Variants in ARL8A observed in about 807,000 individuals in gnomAD.
ARL8A encodes the protein ADP-ribosylation factor-like protein 8A.
Under a neutral mutation model 31.2 loss-of-function variants are expected in ARL8A, and 10 were observed. The observed-to-expected ratio is 0.32, with a 90% CI of 0.20 to 0.54. The LOEUF (loss-of-function observed/expected upper bound fraction) is 0.54. Among genes scored for constraint, ARL8A ranks in the 20% least tolerant of loss-of-function variants. The pLI is 0.93. For missense variants in ARL8A, 129 were observed against 242.8 expected (o/e 0.53, Z 3.12); for synonymous variants, 70 against 86.9 (o/e 0.81, Z 1.08).
chr1:202,134,372 G>A lies in ARL8A; in HGVS notation c.*95C>T, dbSNP rs1654945571. 13 of 1,308,956 alleles carry A rather than the reference G, an allele frequency of 9.9e-6. No individual in the cohort carries two copies. The highest frequency in any genetic ancestry group is 3.3e-6 in the Non-Finnish European group (3 of 907,800). The allele number at this position is 1,308,956 out of a possible 1,614,324, so 81.1% of individuals were successfully genotyped here. On this transcript the variant is annotated 3_prime_UTR_variant, in exon 7 of 7. Coordinates refer to ENST00000272217, the MANE Select transcript of ARL8A (RefSeq NM_138795.4). This position sits in a 1 kb window ranked among gnomAD's most constrained non-coding sequence, Gnocchi z 4.2. ...GGGCCCTCCTCACACTGGGTGAGGA[G>A]GGGTGGGCTTAGGGGGACGACAGGG...
chr1:202,143,882 A>G (rs1444127010), intron 1 of ARL8A, among the ~76,000 whole-genome samples: 7 of 152,176 alleles, frequency 4.6e-5, no homozygotes, highest in Admixed American at 4.6e-4. Flanking sequence ...TCTGGGCTTG[A>G]GCCAAGGGCC....
chr1:202,139,456 C>T (rs1283709198), intron 1 of ARL8A, among the ~76,000 whole-genome samples: 3 of 151,496 alleles, frequency 2.0e-5, no homozygotes, highest in African/African-American at 7.3e-5. Context: ...GCCTGTAATC[C>T]CAGCTACTTG....
Position 202,134,183 on chromosome 1 carries a change from C to T in ARL8A, c.*284G>A, listed in dbSNP as rs927469793. The T allele has an allele frequency of 1.0e-4, 50 of 485,590 alleles. 1 individual carries two copies. The highest frequency in any genetic ancestry group is 1.7e-4 in the Admixed American group (5 of 28,950). 30.1% of individuals were successfully genotyped at this position (485,590 alleles called of 1,614,324 possible). On this transcript the variant is annotated 3_prime_UTR_variant, in exon 7 of 7. Transcript: ENST00000272217. The surrounding 1 kb of genome is among the most constrained non-coding windows in gnomAD (Gnocchi z 4.2). The stretch of plus-strand genomic sequence containing the variant: ...GAGCGGGCCGGGGAAAAGCCAGGGG[C>T]GGGGGCTGTGGCCCAGGGCTGCTGG...
In ARL8A at chr1:202,135,667, C is replaced by G. The variant is rs765614852; in HGVS notation, c.372+40G>C. 11 of 1,597,832 alleles carry G rather than the reference C, an allele frequency of 6.9e-6. No individual in the cohort carries two copies. Among genetic ancestry groups the G allele is most frequent in the Non-Finnish European group, 9.4e-6 (11 of 1,165,500 alleles). ...TTACCTGCTCCCAGTGACTTCCCAG[C>G]CGAGCTCCCTCCCCATCCCGCTCCC... On this transcript the variant is annotated intron_variant, in intron 4 of 6. Coordinates refer to ENST00000272217, the MANE Select transcript of ARL8A (RefSeq NM_138795.4). The surrounding 1 kb of genome is among the most constrained non-coding windows in gnomAD (Gnocchi z 5.3).
chr1:202,135,035 C>A lies in ARL8A; in HGVS notation c.511+115G>T, dbSNP rs944018861. On this transcript the variant is annotated intron_variant, in intron 6 of 6. Coordinates refer to ENST00000272217, the MANE Select transcript of ARL8A (RefSeq NM_138795.4). This position sits in a 1 kb window ranked among gnomAD's most constrained non-coding sequence, Gnocchi z 5.3. ...CTGGGCCACCTGGCTGCCTTTTCTA[C>A]CCAAGAGCCACAGGGCTTTGGACTT... 3.2e-5 allele frequency: 35 copies of A among 1,083,550 alleles called. No individual in the cohort carries two copies. Among genetic ancestry groups the A allele is most frequent in the Non-Finnish European group, 4.7e-5 (34 of 727,116 alleles). 67.1% of individuals were successfully genotyped at this position (1,083,550 alleles called of 1,614,324 possible). A position where few individuals can be genotyped will look rare whatever the true frequency, so the allele number is the denominator to read the frequency against.
In ARL8A at chr1:202,144,582, C is replaced by T. The variant is rs1192454015; in HGVS notation, c.-10G>A. 6 of 1,411,308 alleles carry T rather than the reference C, an allele frequency of 4.3e-6. No homozygotes were observed. Among genetic ancestry groups the T allele is most frequent in the Non-Finnish European group, 5.7e-6 (6 of 1,060,464 alleles). The allele number at this position is 1,411,308 out of a possible 1,614,324, so 87.4% of individuals were successfully genotyped here. On this transcript the variant is annotated 5_prime_UTR_variant, in exon 1 of 7. Transcript: ENST00000272217. This position sits in a 1 kb window ranked among gnomAD's most constrained non-coding sequence, Gnocchi z 5.2. ...TGAACAAAGCGATCATGGTCGCTGCCGCCGGCCCCGCCCGGTGCCAGGTCC... is the reference window on the plus strand; with the variant it reads ...TGAACAAAGCGATCATGGTCGCTGCTGCCGGCCCCGCCCGGTGCCAGGTCC...
intron 1 of ARL8A, among the ~76,000 whole-genome samples, chr1:202,140,751 G>A (rs1655145358): frequency 6.6e-6 from 1 of 152,188 alleles, no homozygotes. Context: ...AGCTAAGCAG[G>A]GAGAATTAAG....
intron 3 of ARL8A, among the ~76,000 whole-genome samples, chr1:202,137,354 G>C (rs2147811342): frequency 6.6e-6 from 1 of 152,206 alleles, no homozygotes; most frequent in South Asian, 2.1e-4. Context: ...AAGCAAGAGA[G>C]GGCTGCGCGC....
chr1:202,138,514 G>GT lies in ARL8A; in HGVS notation c.124-67_124-66insA. On this transcript the variant is annotated intron_variant, in intron 1 of 6. Transcript: ENST00000272217. The surrounding 1 kb of genome is among the most constrained non-coding windows in gnomAD (Gnocchi z 4.4). Reference sequence around the variant, plus strand: ...ATATGCCCCCACCGCAGACCAAGAGGCTGCGAGAACCATGCAGAGGCCAGG... The same window carrying GT: ...ATATGCCCCCACCGCAGACCAAGAGGTCTGCGAGAACCATGCAGAGGCCAGG... 1 of 1,483,502 alleles carries GT rather than the reference G, an allele frequency of 6.7e-7. No individual in the cohort carries two copies. Among genetic ancestry groups the GT allele is most frequent in the Non-Finnish European group, 9.4e-7 (1 of 1,062,590 alleles). 91.9% of individuals were successfully genotyped at this position (1,483,502 alleles called of 1,614,324 possible). A position where few individuals can be genotyped will look rare whatever the true frequency, so the allele number is the denominator to read the frequency against.
At position 202,137,970 on chromosome 1, in the gene ARL8A, G is replaced by T. The variant is rs772142020; in HGVS notation, c.273C>A (p.Ala91=). The change falls in exon 3 of 7, where the codon GCC becomes GCA. Residue 91 remains alanine (A), a synonymous_variant. Transcript: ENST00000272217. The part of the protein sequence containing the change: ...MWERYCRGVS[A]IVYMVDAADQ... ...GATGCCTCCCGTGTACTTACACGAT[G>T]GCGCTCACTCCTCGGCAGTAGCGCT... 1 of 1,614,108 alleles carries T rather than the reference G, an allele frequency of 6.2e-7. No individual in the cohort carries two copies. Among genetic ancestry groups the T allele is most frequent in the Non-Finnish European group, 8.5e-7 (1 of 1,180,022 alleles).
Position 202,134,284 on chromosome 1 carries a change from A to C in ARL8A, c.*183T>G. 2 of 585,422 alleles carry C rather than the reference A, an allele frequency of 3.4e-6. No homozygotes were observed. The highest frequency in any genetic ancestry group is 6.1e-6 in the Non-Finnish European group (2 of 329,532). 36.3% of individuals were successfully genotyped at this position (585,422 alleles called of 1,614,324 possible). On this transcript the variant is annotated 3_prime_UTR_variant, in exon 7 of 7. Transcript: ENST00000272217. This position sits in a 1 kb window ranked among gnomAD's most constrained non-coding sequence, Gnocchi z 4.2. ...AGTTAGGGGACCAGAATGGGGGGCAATTTATTTTACAATAAAAACAGGAGT... is the reference window on the plus strand; with the variant it reads ...AGTTAGGGGACCAGAATGGGGGGCACTTTATTTTACAATAAAAACAGGAGT...
chr1:202,137,184 ATTTAT>A (rs1191258628), intron 3 of ARL8A, among the ~76,000 whole-genome samples: 1 of 151,970 alleles, frequency 6.6e-6, no homozygotes, highest in Non-Finnish European at 1.5e-5. Flanking sequence ...AATGTTTAAA[ATTTAT>A]TTTATTTTAT....
At chr1:202,139,632 C>CTTTTTT (rs71141457) in intron 1 of ARL8A, among the ~76,000 whole-genome samples, 1 of 50,568 alleles carries the variant, frequency 2.0e-5, no homozygotes, top group East Asian at 7.5e-4. Context: ...AGCCCTGTTC[C>CTTTTTT]TTTTTTTTTT....
intron 3 of ARL8A, among the ~76,000 whole-genome samples, chr1:202,136,978 G>A (rs56821328): frequency 0.015 from 2,240 of 151,202 alleles, 124 homozygotes; most frequent in East Asian, 0.14. Flanking sequence ...CCTCAGCCTC[G>A]CGAGTAGCTG....
intron 1 of ARL8A, among the ~76,000 whole-genome samples, chr1:202,141,437 T>C (rs1655161324): frequency 6.6e-6 from 1 of 151,760 alleles, no homozygotes; most frequent in East Asian, 1.9e-4. Context: ...AGGTCAGGGG[T>C]TCGAGACCAG....
intron 3 of ARL8A, among the ~76,000 whole-genome samples, chr1:202,137,361 G>A (rs765564481): frequency 2.0e-5 from 3 of 152,040 alleles, no homozygotes; most frequent in Non-Finnish European, 4.4e-5. Flanking sequence ...AGAGGGCTGC[G>A]CGCGGTGGCT....
chr1:202,135,603 G>T lies in ARL8A; in HGVS notation c.373-77C>A. The T allele has an allele frequency of 2.5e-6, 4 of 1,582,628 alleles. No homozygotes were observed. The highest frequency in any genetic ancestry group is 1.7e-6 in the Non-Finnish European group (2 of 1,152,148). On this transcript the variant is annotated intron_variant, in intron 4 of 6. Coordinates refer to ENST00000272217, the MANE Select transcript of ARL8A (RefSeq NM_138795.4). This position sits in a 1 kb window ranked among gnomAD's most constrained non-coding sequence, Gnocchi z 5.3. ...GTCTGGGTGGTGAGCTGGCCTCCTG[G>T]GTCCCGTTTCCTCTCTGCGCCCCTA... is the stretch of plus-strand genomic sequence containing the variant.
rs2147810465 is a variant in ARL8A at position 202,135,709 on chromosome 1, G to A, written c.370C>T (p.Pro124Ser). 2 of 1,613,806 alleles carry A rather than the reference G, an allele frequency of 1.2e-6. No individual in the cohort carries two copies. Among genetic ancestry groups the A allele is most frequent in the Non-Finnish European group, 1.7e-6 (2 of 1,179,744 alleles). The stretch of plus-strand genomic sequence containing the variant: ...CCCGCTCCCTCAGGTCTGCTGACCG[G>A]GATGCCCTGCAGCTGAGGTTTGTCC... ...LLDKPQLQGI[P>S]VLVLGNKRDL... Residue 124 changes from proline to serine, a missense_variant and splice_region_variant, in exon 4 of 7, where the codon CCG becomes TCG. Pro to Ser is a moderately conservative substitution (Grantham distance 74, BLOSUM62 -1). Coordinates refer to ENST00000272217, the MANE Select transcript of ARL8A (RefSeq NM_138795.4). This position sits in a 1 kb window ranked among gnomAD's most constrained non-coding sequence, Gnocchi z 5.3.
chr1:202,134,630 A>C lies in ARL8A; in HGVS notation c.512-114T>G. The C allele has an allele frequency of 1.0e-6, 1 of 956,320 alleles. No homozygotes were observed. The highest frequency in any genetic ancestry group is 1.3e-5 in the South Asian group (1 of 75,618). The allele number at this position is 956,320 out of a possible 1,614,324, so 59.2% of individuals were successfully genotyped here. ...GTATCAGAAGTCCAGAGATGCCAGGAGGGGTGGCGCACACCTGGAGTCTCA... is the reference window on the plus strand; with the variant it reads ...GTATCAGAAGTCCAGAGATGCCAGGCGGGGTGGCGCACACCTGGAGTCTCA... On this transcript the variant is annotated intron_variant, in intron 6 of 6. Transcript: ENST00000272217. This position sits in a 1 kb window ranked among gnomAD's most constrained non-coding sequence, Gnocchi z 4.2.
Sources: allele counts gnomAD v4.1 joint callset (sites outside exome capture counted in the v4.1 genomes callset), GRCh38; gene constraint gnomAD v4.1.1; non-coding constraint Gnocchi (gnomAD v3.1); transcripts MANE v1.5; gene names NCBI Gene and HGNC (gene_info 2026-07-23, HGNC 2026-07-21).